RYR2: variants seen among roughly 807,000 people sequenced by gnomAD.
The protein encoded by RYR2 is ryanodine receptor 2.
In RYR2, 227 loss-of-function variants were observed where a neutral mutation model predicts 601.1. The ratio of observed to expected loss-of-function variants is 0.38; its 90% CI spans 0.34 to 0.42. RYR2 has a LOEUF of 0.42. Ranked by LOEUF, RYR2 falls within the 10% of genes least tolerant of loss-of-function variation. The pLI is 1.00. For missense variants in RYR2, 4,646 were observed against 6,156.5 expected, an observed-to-expected ratio of 0.75 and a Z score of 8.21; for synonymous variants, 2,223 against 2,175.1, an observed-to-expected ratio of 1.02 and a Z score of -0.61.
At chr1:237,733,581 C>A (rs1690878905) in intron 78 of RYR2, 124 bp from the exon 79 acceptor site, 5 of 692,476 alleles carry the variant, frequency 7.2e-6, no homozygotes, top group Non-Finnish European at 1.3e-5. Context: ...GTTTTGTGTT[C>A]ATTTAATTTT....
chr1:237,645,857 T>C (rs1192681948), intron 48 of RYR2, among the ~76,000 whole-genome samples: 1 of 151,966 alleles, frequency 6.6e-6, no homozygotes, highest in Non-Finnish European at 1.5e-5. Flanking sequence ...TTGGTATTTG[T>C]TAGATCTCTG....
At chr1:237,126,834 G>A (rs1200533749) in intron 1 of RYR2, among the ~76,000 whole-genome samples, 1 of 151,594 alleles carries the variant, frequency 6.6e-6, no homozygotes, top group South Asian at 2.1e-4. Flanking sequence ...TCTCACAGAG[G>A]GGGATTTGGC....
intron 1 of RYR2, among the ~76,000 whole-genome samples, chr1:237,128,441 C>G (rs1206044676): frequency 6.6e-6 from 1 of 152,170 alleles, no homozygotes; most frequent in East Asian, 1.9e-4. Context: ...TAAATCCCTT[C>G]AGAAAGTTGT....
At chr1:237,686,838 T>C (rs77224381) in intron 62 of RYR2, among the ~76,000 whole-genome samples, 2,575 of 152,324 alleles carry the variant, frequency 0.017, 63 homozygotes, top group African/African-American at 0.058. Flanking sequence ...TTATCACATC[T>C]GTAATGCTTT....
At chr1:237,608,510 C>A (rs889570580) in intron 35 of RYR2, among the ~76,000 whole-genome samples, 6 of 152,086 alleles carry the variant, frequency 3.9e-5, no homozygotes, top group African/African-American at 1.4e-4. Flanking sequence ...CCAGCTTGGG[C>A]AACATAGTGA....
chr1:237,506,682 G>A, intron 22 of RYR2, 28 bp from the exon 23 acceptor site: 2 of 1,538,076 alleles, frequency 1.3e-6, no homozygotes, highest in Non-Finnish European at 1.8e-6. Flanking sequence ...TGTTTCTGAT[G>A]TGTCTTTTTT....
chr1:237,289,367 A>C (rs1357218662), intron 2 of RYR2, among the ~76,000 whole-genome samples: 2 of 152,148 alleles, frequency 1.3e-5, no homozygotes, highest in African/African-American at 4.8e-5. Flanking sequence ...TCATGCTGCT[A>C]ATAAAGACCT....
chr1:237,682,040 A>G (rs1295917512), intron 62 of RYR2, among the ~76,000 whole-genome samples: 2 of 152,110 alleles, frequency 1.3e-5, no homozygotes, highest in Non-Finnish European at 2.9e-5. Flanking sequence ...ATCAATGCAA[A>G]TTCTGCTATT....
At chr1:237,405,800 T>C (rs565078873) in intron 10 of RYR2, among the ~76,000 whole-genome samples, 1 of 152,074 alleles carries the variant, frequency 6.6e-6, no homozygotes, top group South Asian at 2.1e-4. Flanking sequence ...TTGAGGGTTC[T>C]GTTGTGCTGT....
chr1:237,581,719 C>T (rs1452015205), intron 29 of RYR2, among the ~76,000 whole-genome samples: 1 of 152,188 alleles, frequency 6.6e-6, no homozygotes, highest in African/African-American at 2.4e-5. Context: ...AACCCACCTG[C>T]CTGGCTTTAC....
intron 1 of RYR2, among the ~76,000 whole-genome samples, chr1:237,240,442 T>C (rs1686023635): frequency 6.6e-6 from 1 of 152,050 alleles, no homozygotes; most frequent in African/African-American, 2.4e-5. Context: ...AAAACAAAGG[T>C]GACACATTTG....
At chr1:237,717,936 C>G (rs1456358517) in intron 72 of RYR2, among the ~76,000 whole-genome samples, 1 of 152,182 alleles carries the variant, frequency 6.6e-6, no homozygotes, top group South Asian at 2.1e-4. Context: ...GACATATTCT[C>G]CATTCCACAT....
chr1:237,801,366 A>G (rs983437437), intron 97 of RYR2, among the ~76,000 whole-genome samples: 2 of 68,388 alleles, frequency 2.9e-5, no homozygotes, highest in Non-Finnish European at 5.5e-5. Flanking sequence ...CCCCATCTCT[A>G]CAAAAAAAAA....
chr1:237,674,878 A>G (rs1429641312), intron 60 of RYR2, 32 bp downstream of exon 60: 8 of 1,221,932 alleles, frequency 6.5e-6, no homozygotes, highest in Non-Finnish European at 9.6e-6. Flanking sequence ...CTAATAGCCC[A>G]GTGTTTGTTG....
Position 237,593,494 on chromosome 1 carries a change from A to G in RYR2, c.4294A>G (p.Ile1432Val), listed in dbSNP as rs769163639. The G allele has an allele frequency of 3.7e-6, 6 of 1,613,212 alleles. No homozygotes were observed. Among genetic ancestry groups the G allele is most frequent in the Non-Finnish European group, 5.1e-6 (6 of 1,179,640 alleles). Residue 1432 changes from isoleucine to valine, a missense_variant, in exon 33 of 105, where the codon ATC (isoleucine) becomes GTC (valine). Ile to Val is a conservative substitution (Grantham distance 29, BLOSUM62 3). This residue lies in a region of RYR2 where 1,807 missense variants were observed against 2,088.1 expected (regional missense o/e 0.87). Coordinates refer to ENST00000366574, the MANE Select transcript of RYR2 (RefSeq NM_001035.3). ...QTSTYYYSVR[I>V]FPGQEPANVW... ...TTCACAGTACTATTACTCAGTGAGAATCTTTCCTGGACAAGAACCTGCTAA... is the reference window on the plus strand; with the variant it reads ...TTCACAGTACTATTACTCAGTGAGAGTCTTTCCTGGACAAGAACCTGCTAA...
chr1:237,107,268 A>G (rs1373141943), intron 1 of RYR2, among the ~76,000 whole-genome samples: 1 of 152,090 alleles, frequency 6.6e-6, no homozygotes, highest in East Asian at 1.9e-4. Flanking sequence ...AATAGAAAAC[A>G]TTGTAGGTTC....
At chr1:237,760,434 A>G (rs545681197) in intron 83 of RYR2, among the ~76,000 whole-genome samples, 77 of 151,162 alleles carry the variant, frequency 5.1e-4, no homozygotes, top group Non-Finnish European at 9.4e-4. Flanking sequence ...TATATTCTGC[A>G]TACTTGAAAA....
intron 2 of RYR2, among the ~76,000 whole-genome samples, chr1:237,301,712 T>G (rs925587470): frequency 6.6e-6 from 1 of 152,210 alleles, no homozygotes; most frequent in African/African-American, 2.4e-5. Flanking sequence ...TGACTTTAGA[T>G]CTGTAGTCTA....
intron 1 of RYR2, among the ~76,000 whole-genome samples, chr1:237,252,485 A>G (rs1340302988): frequency 6.6e-6 from 1 of 152,166 alleles, no homozygotes; most frequent in Non-Finnish European, 1.5e-5. Flanking sequence ...TCACGAGCTG[A>G]CATTACATTT....
Sources: allele counts gnomAD v4.1 joint callset (sites outside exome capture counted in the v4.1 genomes callset), GRCh38; gene constraint gnomAD v4.1.1; regional missense constraint gnomAD v4.1.1; transcripts MANE v1.5; gene names NCBI Gene and HGNC (gene_info 2026-07-23, HGNC 2026-07-21).